Variants in NICN1 observed in about 807,000 individuals in gnomAD.
NICN1 encodes the protein nicolin 1, tubulin polyglutamylase complex subunit.
A neutral mutation model predicts 26.3 loss-of-function variants in NICN1; 18 were observed. The ratio of observed to expected loss-of-function variants is 0.68; its 90% CI spans 0.47 to 1.01. The LOEUF (loss-of-function observed/expected upper bound fraction) is 1.01. Among genes scored for constraint, NICN1 ranks in the 50% least tolerant of loss-of-function variants. NICN1 has a pLI of 0.00. For synonymous variants in NICN1, 109 were observed against 111.0 expected, an observed-to-expected ratio of 0.98 and a Z score of 0.11; for missense variants, 239 against 278.3, an observed-to-expected ratio of 0.86 and a Z score of 1.00.
At chr3:49,427,494 T>C (rs1323741602) in intron 1 of NICN1, among the ~76,000 whole-genome samples, 1 of 149,954 alleles carries the variant, frequency 6.7e-6, no homozygotes, top group Non-Finnish European at 1.5e-5. Flanking sequence ...TACAAAAATA[T>C]TAGCTGAGCG....
intron 1 of NICN1, among the ~76,000 whole-genome samples, chr3:49,427,644 GAAAAAA>G (rs58773326): frequency 9.7e-6 from 1 of 102,822 alleles, no homozygotes; most frequent in Non-Finnish European, 1.9e-5. Context: ...CTACCTCTCA[GAAAAAA>G]AAAAAAAAAA....
Position 49,425,904 on chromosome 3 carries a change from C to T in NICN1, c.402G>A (p.Gln134=), listed in dbSNP as rs762057626. 8 of 1,600,996 alleles carry T rather than the reference C, an allele frequency of 5.0e-6. No individual in the cohort carries two copies. Among genetic ancestry groups the T allele is most frequent in the Non-Finnish European group, 8.6e-7 (1 of 1,168,814 alleles). Residue 134 remains glutamine, a synonymous_variant, in exon 3 of 6, where the codon CAG becomes CAA. Transcript: ENST00000273598. ...LWLSFTVEEL[Q]IYQQGPKSPS... ...TTACCTTTGGTCCCTGCTGATAGAT[C>T]TGCAGCTCCTCCACTGTGAAAGACA...
chr3:49,427,261 C>T (rs1362630077), intron 1 of NICN1, among the ~76,000 whole-genome samples: 2 of 149,236 alleles, frequency 1.3e-5, no homozygotes, highest in African/African-American at 5.0e-5. Context: ...GCGGAGCTTG[C>T]AGTGAGCTGA....
chr3:49,422,572 C>G lies in NICN1; in HGVS notation c.*2261G>C. 2 of 1,096,550 alleles carry G rather than the reference C, an allele frequency of 1.8e-6. No individual in the cohort carries two copies. Among genetic ancestry groups the G allele is most frequent in the East Asian group, 5.1e-5 (2 of 38,876 alleles). The allele number at this position is 1,096,550 out of a possible 1,614,324, so 67.9% of individuals were successfully genotyped here. A position where few individuals can be genotyped will look rare whatever the true frequency, so the allele number is the denominator to read the frequency against. The stretch of plus-strand genomic sequence containing the variant: ...TCCGGAGCAAAGGATCTGAAGGGGG[C>G]GTGGGCAGCCCCAAGGGCAGGCTGG... On this transcript the variant is annotated 3_prime_UTR_variant, in exon 6 of 6. Transcript: ENST00000273598.
chr3:49,423,778 G>C lies in NICN1; in HGVS notation c.*1055C>G, dbSNP rs905146196. 6.6e-6 allele frequency: 1 copy of C among 152,046 alleles called. No individual in the cohort carries two copies. The highest frequency in any genetic ancestry group is 1.5e-5 in the Non-Finnish European group (1 of 68,036). The allele number at this position is 152,046 out of a possible 1,614,324, so 9.4% of individuals were successfully genotyped here. A position where few individuals can be genotyped will look rare whatever the true frequency, so the allele number is the denominator to read the frequency against. ...CCTCAAAAAAAACAACAAAAAAGGA[G>C]AGGGGCAACTGGGAGAAAGGATAGA... is the stretch of plus-strand genomic sequence containing the variant. On this transcript the variant is annotated 3_prime_UTR_variant, in exon 6 of 6. Transcript: ENST00000273598.
In NICN1 at chr3:49,424,317, T is replaced by G; in HGVS notation, c.*516A>C. The G allele has an allele frequency of 5.9e-6, 1 of 169,618 alleles. No homozygotes were observed. The allele number at this position is 169,618 out of a possible 1,614,324, so 10.5% of individuals were successfully genotyped here. A position where few individuals can be genotyped will look rare whatever the true frequency, so the allele number is the denominator to read the frequency against. On this transcript the variant is annotated 3_prime_UTR_variant, in exon 6 of 6. Transcript: ENST00000273598. ...CCTTCCTAGGCAGGCAGCAGAAGAG[T>G]TCAGACAGGAAATTTCTCTCTGTGG...
intron 4 of NICN1, 98 bp from the exon 5 acceptor site, chr3:49,425,151 GACCA>G: frequency 2.0e-6 from 2 of 987,706 alleles, no homozygotes; most frequent in South Asian, 2.7e-5. Context: ...CTCCAGCTGA[GACCA>G]ACAACATTCT....
At chr3:49,427,630 G>A (rs1178506948) in intron 1 of NICN1, among the ~76,000 whole-genome samples, 4 of 136,004 alleles carry the variant, frequency 2.9e-5, no homozygotes, top group African/African-American at 1.1e-4. Context: ...GTGACAAAAC[G>A]AGGCTACCTC....
In NICN1 at chr3:49,423,268, T is replaced by C. The variant is rs936768689; in HGVS notation, c.*1565A>G. ...GACATACTGCAGTACTGCTTTGTAA[T>C]AGCCACCAGGTGCAAAGCCAGGAAG... On this transcript the variant is annotated 3_prime_UTR_variant, in exon 6 of 6. Coordinates refer to ENST00000273598, the MANE Select transcript of NICN1 (RefSeq NM_032316.3). The C allele has an allele frequency of 2.0e-5, 3 of 151,956 alleles. No individual in the cohort carries two copies. Among genetic ancestry groups the C allele is most frequent in the African/African-American group, 7.3e-5 (3 of 41,274 alleles). The allele number at this position is 151,956 out of a possible 1,614,324, so 9.4% of individuals were successfully genotyped here.
rs374750709 is a variant in NICN1, at chr3:49,422,391, C to T, written c.*2442G>A. Reference sequence around the variant, plus strand: ...CGCAACTAAGTGGACGACACAAGGCCGGGGGGAATGCCTGCAGGCGAAAGC... The same window carrying T: ...CGCAACTAAGTGGACGACACAAGGCTGGGGGGAATGCCTGCAGGCGAAAGC... On this transcript the variant is annotated 3_prime_UTR_variant, in exon 6 of 6. Coordinates refer to ENST00000273598, the MANE Select transcript of NICN1 (RefSeq NM_032316.3). 1.2e-5 allele frequency: 19 copies of T among 1,613,704 alleles called. No individual in the cohort carries two copies. Among genetic ancestry groups the T allele is most frequent in the Middle Eastern group, 3.3e-4 (2 of 6,084 alleles).
At chr3:49,426,095 G>T in intron 2 of NICN1, 99 bp from the exon 3 acceptor site, 1 of 1,118,656 alleles carries the variant, frequency 8.9e-7, no homozygotes, top group Non-Finnish European at 1.3e-6. Context: ...CACAGGCCTT[G>T]GGAAGGAAGG....
chr3:49,424,934 G>A lies in NICN1; in HGVS notation c.600+15C>T, dbSNP rs1344141006. 14 of 1,613,336 alleles carry A rather than the reference G, an allele frequency of 8.7e-6. No homozygotes were observed. The highest frequency in any genetic ancestry group is 1.7e-5 in the Admixed American group (1 of 59,986). On this transcript the variant is annotated intron_variant, in intron 5 of 5. Transcript: ENST00000273598. Reference sequence around the variant, plus strand: ...CAGGGCAAAGCAAGCCAAGCAGAAGGAAGCGATTACTTACATCAAAGCGGC... The same window carrying A: ...CAGGGCAAAGCAAGCCAAGCAGAAGAAAGCGATTACTTACATCAAAGCGGC...
Position 49,429,146 on chromosome 3 carries a change from C to A in NICN1, c.94G>T (p.Val32Phe). The A allele has an allele frequency of 6.2e-7, 1 of 1,611,032 alleles. No homozygotes were observed. Residue 32 changes from valine (V) to phenylalanine (F), a missense_variant, in exon 1 of 6, where the codon GTC becomes TTC. By Grantham distance (50) the Val-to-Phe change is conservative. Coordinates refer to ENST00000273598, the MANE Select transcript of NICN1 (RefSeq NM_032316.3). ...RTSQGRPGVL[V>F]IDVTFPSVAP... Reference sequence around the variant, plus strand: ...ACGCTGGGGAAGGTGACATCGATGACCAGCACGCCAGGCCGGCCTTGGGAG... The same window carrying A: ...ACGCTGGGGAAGGTGACATCGATGAACAGCACGCCAGGCCGGCCTTGGGAG...
intron 1 of NICN1, among the ~76,000 whole-genome samples, chr3:49,428,758 G>A (rs1292236531): frequency 6.6e-6 from 1 of 151,898 alleles, no homozygotes; most frequent in Non-Finnish European, 1.5e-5. Flanking sequence ...CAGGTTTTGG[G>A]GTAAATCATT....
Position 49,424,702 on chromosome 3 carries a change from G to T in NICN1, c.*131C>A. 1.3e-6 allele frequency: 1 copy of T among 772,996 alleles called. No individual in the cohort carries two copies. Among genetic ancestry groups the T allele is most frequent in the South Asian group, 1.5e-5 (1 of 68,226 alleles). 47.9% of individuals were successfully genotyped at this position (772,996 alleles called of 1,614,324 possible). ...AAGCCCCTGAGAATCCTGAATCTGT[G>T]AATGTGGCCCAGACAGAACAGGCAT... is the stretch of plus-strand genomic sequence containing the variant. On this transcript the variant is annotated 3_prime_UTR_variant, in exon 6 of 6. Coordinates refer to ENST00000273598, the MANE Select transcript of NICN1 (RefSeq NM_032316.3).
At chr3:49,426,149 G>T in intron 2 of NICN1, 103 bp downstream of exon 2, 1 of 1,292,892 alleles carries the variant, frequency 7.7e-7, no homozygotes, top group Non-Finnish European at 1.1e-6. Context: ...TCACAGTTCA[G>T]GCCAGACTGG....
rs2049169673 is a variant in NICN1 at position 49,426,316 on chromosome 3, C to CA, written c.244dup (p.Cys82LeufsTer5). The CA allele has an allele frequency of 6.2e-7, 1 of 1,614,194 alleles. No individual in the cohort carries two copies. Among genetic ancestry groups the CA allele is most frequent in the African/African-American group, 1.3e-5 (1 of 75,042 alleles). On this transcript the variant is annotated frameshift_variant, in exon 2 of 6. Coordinates refer to ENST00000273598, the MANE Select transcript of NICN1 (RefSeq NM_032316.3). LOFTEE classifies it high-confidence loss of function. ...CTCACTGTGTGGGTCAGGCATTAGG[C>CA]AGTAGTCCCGCAGGCAGGTCACCCA...
rs748551244 is a variant in NICN1 at position 49,422,410 on chromosome 3, C to G, written c.*2423G>C. Reference sequence around the variant, plus strand: ...CAAGGCCGGGGGGAATGCCTGCAGGCGAAAGCCCAGACGGGCCACCACACT... The same window carrying G: ...CAAGGCCGGGGGGAATGCCTGCAGGGGAAAGCCCAGACGGGCCACCACACT... On this transcript the variant is annotated 3_prime_UTR_variant, in exon 6 of 6. Coordinates refer to ENST00000273598, the MANE Select transcript of NICN1 (RefSeq NM_032316.3). 1.9e-6 allele frequency: 3 copies of G among 1,613,628 alleles called. No homozygotes were observed. Among genetic ancestry groups the G allele is most frequent in the Non-Finnish European group, 2.5e-6 (3 of 1,180,014 alleles).
Position 49,426,344 on chromosome 3 carries a change from T to A in NICN1, c.217A>T (p.Lys73Ter). The A allele has an allele frequency of 6.2e-7, 1 of 1,614,212 alleles. No homozygotes were observed. Among genetic ancestry groups the A allele is most frequent in the Non-Finnish European group, 8.5e-7 (1 of 1,180,030 alleles). The change falls in exon 2 of 6, where the codon AAG becomes TAG. Residue 73 changes from lysine (K) to a stop codon, truncating the protein, a stop_gained. Transcript: ENST00000273598. LOFTEE classifies it high-confidence loss of function. ...TAGTCCCGCAGGCAGGTCACCCACT[T>A]GGCAGGTGTGTGTGCTGAGGTGTAC... Reference protein sequence around the residue: ...RQYTSAHTPAKWVTCLRDYCL... With the variant: ...RQYTSAHTPA
Sources: allele counts gnomAD v4.1 joint callset (sites outside exome capture counted in the v4.1 genomes callset), GRCh38; gene constraint gnomAD v4.1.1; transcripts MANE v1.5; gene names NCBI Gene and HGNC (gene_info 2026-07-23, HGNC 2026-07-21).